Variants in LUZP2 observed in about 807,000 individuals in gnomAD.
The protein encoded by LUZP2 is leucine zipper protein 2.
Under a neutral mutation model 51.6 loss-of-function variants are expected in LUZP2, and 52 were observed. The observed-to-expected ratio is 1.01, with a 90% CI of 0.81 to 1.27. The LOEUF is 1.27. LUZP2 is among the 50% of genes most tolerant of loss of function. The pLI, the probability that LUZP2 is intolerant of heterozygous loss-of-function variation, is 0.00. For missense variants in LUZP2, 436 were observed against 395.4 expected (o/e 1.10, Z -0.87); for synonymous variants, 154 against 137.3 (o/e 1.12, Z -0.85).
chr11:24,507,293 C>T (rs1015377874), intron 1 of LUZP2, among the ~76,000 whole-genome samples: 3 of 152,030 alleles, frequency 2.0e-5, no homozygotes, highest in Non-Finnish European at 4.4e-5. Flanking sequence ...CTCTAGTATA[C>T]TTTCATCTCT....
At chr11:24,839,482 CAT>C (rs1850958826) in intron 5 of LUZP2, among the ~76,000 whole-genome samples, 1 of 151,706 alleles carries the variant, frequency 6.6e-6, no homozygotes, top group Admixed American at 6.6e-5. Context: ...CAATTTATCA[CAT>C]ATTAATATTC....
rs2133937188 is a variant in LUZP2, at chr11:24,636,803, A to G, written c.63-92366A>G. Among the ~76,000 whole-genome samples, 3 of 152,334 alleles carry G rather than the reference A, an allele frequency of 2.0e-5. No individual in the cohort carries two copies. The South Asian group carries it at 6.2e-4, about 32-fold the overall frequency. On this transcript the variant is annotated intron_variant, in intron 1 of 11. Coordinates refer to ENST00000336930, the MANE Select transcript of LUZP2 (RefSeq NM_001009909.4). Reference sequence around the variant, plus strand: ...CACTTAACCAGAGACATAAGAAAATATAGAAAATAAAGCAAGATTAAAAAT... The same window carrying G: ...CACTTAACCAGAGACATAAGAAAATGTAGAAAATAAAGCAAGATTAAAAAT...
intron 5 of LUZP2, among the ~76,000 whole-genome samples, chr11:24,816,256 G>A (rs1164869302): frequency 2.6e-5 from 4 of 151,854 alleles, no homozygotes; most frequent in Admixed American, 6.6e-5. Flanking sequence ...GTAATATGGC[G>A]ACTGGATCAT....
At chr11:24,659,787 G>A (rs1432133394) in intron 1 of LUZP2, among the ~76,000 whole-genome samples, 4 of 151,952 alleles carry the variant, frequency 2.6e-5, no homozygotes, top group African/African-American at 9.7e-5. Context: ...CATATAATAT[G>A]GTAGGAAGGA....
At chr11:24,995,816 T>C (rs548644414) in intron 9 of LUZP2, among the ~76,000 whole-genome samples, 230 of 152,186 alleles carry the variant, frequency 1.5e-3, no homozygotes, top group Middle Eastern at 6.8e-3. Flanking sequence ...GGTTTGGTTT[T>C]CACTTGCTGT....
intron 1 of LUZP2, among the ~76,000 whole-genome samples, chr11:24,607,408 G>A (rs11028062): frequency 4.2e-5 from 5 of 118,532 alleles, no homozygotes; most frequent in Non-Finnish European, 6.6e-5. Flanking sequence ...ATTTATCGAA[G>A]AGACTATCTT....
chr11:25,030,702 C>T (rs990617926), intron 9 of LUZP2, among the ~76,000 whole-genome samples: 1 of 150,482 alleles, frequency 6.6e-6, no homozygotes, highest in African/African-American at 2.4e-5. Context: ...TAATTTAATA[C>T]ATAATTTGTT....
At chr11:24,644,273 G>T (rs1855398742) in intron 1 of LUZP2, among the ~76,000 whole-genome samples, 1 of 152,126 alleles carries the variant, frequency 6.6e-6, no homozygotes, top group Non-Finnish European at 1.5e-5. Flanking sequence ...CTGGCAGCTG[G>T]ATCTGCATGC....
intron 1 of LUZP2, among the ~76,000 whole-genome samples, chr11:24,568,091 G>A (rs768647243): frequency 1.7e-4 from 26 of 152,042 alleles, no homozygotes; most frequent in Non-Finnish European, 3.2e-4. Flanking sequence ...TCCAAAATGC[G>A]AATAGTTTGG....
At chr11:24,733,823 G>A (rs1480655029) in intron 3 of LUZP2, among the ~76,000 whole-genome samples, 2 of 151,578 alleles carry the variant, frequency 1.3e-5, no homozygotes, top group Non-Finnish European at 3.0e-5. Flanking sequence ...AGTATCTCAG[G>A]TTAGGAATGG....
At chr11:24,750,667 T>A (rs868349050) in intron 4 of LUZP2, among the ~76,000 whole-genome samples, 6 of 148,586 alleles carry the variant, frequency 4.0e-5, no homozygotes, top group Middle Eastern at 3.4e-3. Flanking sequence ...GTTTGGCAAC[T>A]TTTTTTATGA....
rs1441673974 is a variant in LUZP2 at position 24,571,488 on chromosome 11, TCC to T, written c.62+74184_62+74185del. On this transcript the variant is annotated intron_variant, in intron 1 of 11. Transcript: ENST00000336930. ...AACTAAATTTAACTCAAATGCCATT[TCC>T]AAATTAAAGTTAGTGGATGCCTTGA... Among the ~76,000 whole-genome samples the T allele has an allele frequency of 3.5e-4, 54 of 152,216 alleles. No individual in the cohort carries two copies. The Middle Eastern group carries it at 0.01, about 29-fold the overall frequency.
chr11:25,001,660 G>A (rs1483147617), intron 9 of LUZP2, among the ~76,000 whole-genome samples: 5 of 152,106 alleles, frequency 3.3e-5, no homozygotes, highest in African/African-American at 1.2e-4. Flanking sequence ...AAGGAATAGG[G>A]TACACTGTTT....
chr11:24,887,501 G>A (rs1323653671), intron 5 of LUZP2, among the ~76,000 whole-genome samples: 1 of 152,168 alleles, frequency 6.6e-6, no homozygotes, highest in East Asian at 1.9e-4. Flanking sequence ...TTTAAAGGAA[G>A]TATCAGAAAA....
chr11:24,625,853 T>C (rs1413465889), intron 1 of LUZP2, among the ~76,000 whole-genome samples: 4 of 152,156 alleles, frequency 2.6e-5, no homozygotes, highest in African/African-American at 4.8e-5. Context: ...AATATGTTTG[T>C]ACAGGACAGT....
intron 9 of LUZP2, among the ~76,000 whole-genome samples, chr11:25,040,276 G>A (rs544312748): frequency 2.7e-5 from 4 of 146,414 alleles, no homozygotes; most frequent in Admixed American, 6.8e-5. Context: ...TAAAATTAAA[G>A]TATATGTTAG....
intron 7 of LUZP2, among the ~76,000 whole-genome samples, chr11:24,922,135 A>T (rs1410151702): frequency 1.3e-5 from 2 of 152,138 alleles, no homozygotes; most frequent in Non-Finnish European, 2.9e-5. Context: ...GTCCTTTGAT[A>T]ACTATCCCTA....
At chr11:24,984,837 A>AT (rs1590803897) in intron 9 of LUZP2, among the ~76,000 whole-genome samples, 1 of 150,892 alleles carries the variant, frequency 6.6e-6, no homozygotes, top group Non-Finnish European at 1.5e-5. Flanking sequence ...AGTTAGAATT[A>AT]TTTTTTCTTT....
chr11:24,764,092 A>T (rs1256282186), intron 5 of LUZP2, among the ~76,000 whole-genome samples: 1 of 152,184 alleles, frequency 6.6e-6, no homozygotes, highest in African/African-American at 2.4e-5. Flanking sequence ...CAGCTTACTC[A>T]AATCAAAAAA....
Sources: gnomAD v4.1 joint callset for allele counts (sites outside exome capture counted in the v4.1 genomes callset) on GRCh38, gnomAD v4.1.1 for gene constraint, MANE v1.5 for transcripts, NCBI Gene and HGNC (gene_info 2026-07-23, HGNC 2026-07-21) for gene names.